The following PCDHGA7 variants were observed in gnomAD, a reference collection of about 807,000 sequenced individuals.
The protein encoded by PCDHGA7 is protocadherin gamma-A7.
PCDHGA7 carries 44 observed loss-of-function variants against 58.3 expected under a neutral mutation model. That is an observed-to-expected ratio of 0.75 (90% CI 0.59 to 0.97). The LOEUF (loss-of-function observed/expected upper bound fraction) is 0.97. Ranked by LOEUF, PCDHGA7 falls within the 50% of genes least tolerant of loss-of-function variation. PCDHGA7 has a pLI of 0.00. For missense variants in PCDHGA7, 1,266 were observed against 1,188.7 expected (o/e 1.06, Z -0.96); for synonymous variants, 516 against 504.2 (o/e 1.02, Z -0.31).
chr5:141,413,850 C>G (rs2095685833), intron 1 of PCDHGA7: 3 of 1,613,244 alleles, frequency 1.9e-6, no homozygotes, highest in East Asian at 2.2e-5. Context: ...GTGACCCTCT[C>G]CGATCTGGCA....
chr5:141,433,642 C>A (rs1457700205), intron 1 of PCDHGA7, among the ~76,000 whole-genome samples: 2 of 152,170 alleles, frequency 1.3e-5, no homozygotes, highest in South Asian at 2.1e-4. Context: ...TTGAGACCAG[C>A]CTGACCAACA....
chr5:141,384,768 G>A lies in PCDHGA7; in HGVS notation c.1869G>A (p.Thr623=), dbSNP rs1046016115. 20 of 1,613,804 alleles carry A rather than the reference G, an allele frequency of 1.2e-5. No homozygotes were observed. The highest frequency in any genetic ancestry group is 1.6e-5 in the Non-Finnish European group (19 of 1,180,024). The change falls in exon 1 of 4, where the codon ACG becomes ACA. Residue 623 remains threonine (T), a synonymous_variant. Coordinates refer to ENST00000518325, the MANE Select transcript of PCDHGA7 (RefSeq NM_018920.4). ...GACTCTTTGCGGTTGGGCTGTACAC[G>A]GGCGAGGTGCGCACGGCTCGGGCCC... is the stretch of plus-strand genomic sequence containing the variant. ...EPGLFAVGLY[T]GEVRTARALL...
chr5:141,431,474 G>T lies in PCDHGA7; in HGVS notation c.2424+46151G>T, dbSNP rs747313827. 3.7e-6 allele frequency: 6 copies of T among 1,613,842 alleles called. No homozygotes were observed. The South Asian group carries it at 6.6e-5, about 18-fold the overall frequency. ...GATGGTTCTGGATGCGAACGACAAC[G>T]CACCAGCGTTTGCTCAGCCCGAGTA... is the stretch of plus-strand genomic sequence containing the variant. On this transcript the variant is annotated intron_variant, in intron 1 of 3. Transcript: ENST00000518325. The surrounding 1 kb of genome is among the most constrained non-coding windows in gnomAD (Gnocchi z 4.8).
At position 141,384,922 on chromosome 5, in the gene PCDHGA7, C is replaced by T; in HGVS notation, c.2023C>T (p.Leu675=). ...ADSIPEVLAD[L]GSLEPSDGPY... ...CAGCATCCCCGAAGTCTTGGCCGACCTGGGCAGCCTTGAGCCCTCCGACGG... is the reference window on the plus strand; with the variant it reads ...CAGCATCCCCGAAGTCTTGGCCGACTTGGGCAGCCTTGAGCCCTCCGACGG... Residue 675 remains leucine (L), a synonymous_variant, in exon 1 of 4, where the codon CTG becomes TTG. Coordinates refer to ENST00000518325, the MANE Select transcript of PCDHGA7 (RefSeq NM_018920.4). The T allele has an allele frequency of 6.2e-7, 1 of 1,614,018 alleles. No homozygotes were observed. Among genetic ancestry groups the T allele is most frequent in the Non-Finnish European group, 8.5e-7 (1 of 1,180,028 alleles).
chr5:141,425,248 G>T (rs954872490), intron 1 of PCDHGA7, among the ~76,000 whole-genome samples: 2 of 152,178 alleles, frequency 1.3e-5, no homozygotes, highest in Admixed American at 1.3e-4. Context: ...AAAAGGATAT[G>T]AGGTATTTGG....
chr5:141,397,047 G>T (rs180929307), intron 1 of PCDHGA7, among the ~76,000 whole-genome samples: 4 of 152,276 alleles, frequency 2.6e-5, no homozygotes, highest in Admixed American at 2.0e-4. Flanking sequence ...TTATGTAAAT[G>T]AACTTATGAG....
chr5:141,487,670 T>A lies in PCDHGA7; in HGVS notation c.2425-7137T>A. The A allele has an allele frequency of 6.2e-7, 1 of 1,612,302 alleles. No homozygotes were observed. Among genetic ancestry groups the A allele is most frequent in the Non-Finnish European group, 8.5e-7 (1 of 1,179,082 alleles). ...TGAGGGTTATTCTGATCCAGGCATA[T>A]GGCTAGGCCATGTCCTAGAGAGTAC... On this transcript the variant is annotated intron_variant, in intron 1 of 3. Transcript: ENST00000518325. This position sits in a 1 kb window ranked among gnomAD's most constrained non-coding sequence, Gnocchi z 5.0.
At chr5:141,406,312 C>G (rs2094792276) in intron 1 of PCDHGA7, among the ~76,000 whole-genome samples, 1 of 152,028 alleles carries the variant, frequency 6.6e-6, no homozygotes, top group African/African-American at 2.4e-5. Context: ...CCACCTCACC[C>G]AGCAAATTCT....
At chr5:141,469,126 A>T (rs2099191838) in intron 1 of PCDHGA7, among the ~76,000 whole-genome samples, 1 of 151,470 alleles carries the variant, frequency 6.6e-6, no homozygotes, top group African/African-American at 2.4e-5. Context: ...AAATTTAAAA[A>T]TTAGCCAGAA....
chr5:141,491,795 C>G lies in PCDHGA7; in HGVS notation c.2425-3012C>G. The G allele has an allele frequency of 6.6e-7, 1 of 1,511,694 alleles. No individual in the cohort carries two copies. The highest frequency in any genetic ancestry group is 8.8e-7 in the Non-Finnish European group (1 of 1,130,430). The allele number at this position is 1,511,694 out of a possible 1,614,324, so 93.6% of individuals were successfully genotyped here. On this transcript the variant is annotated intron_variant, in intron 1 of 3. Transcript: ENST00000518325. The surrounding 1 kb of genome is among the most constrained non-coding windows in gnomAD (Gnocchi z 6.9). ...GGATTGAACTTGCATCCACTCCTCT[C>G]CGGCCGGCTTGGTCGCTGGCTGCGC...
chr5:141,409,872 A>G (rs1283725014), intron 1 of PCDHGA7: 1 of 1,612,710 alleles, frequency 6.2e-7, no homozygotes, highest in Non-Finnish European at 8.5e-7. Flanking sequence ...GACCGCAATG[A>G]CAACGCACCG....
At chr5:141,450,995 T>G (rs983544118) in intron 1 of PCDHGA7, among the ~76,000 whole-genome samples, 3 of 151,510 alleles carry the variant, frequency 2.0e-5, no homozygotes, top group Non-Finnish European at 4.4e-5. Context: ...CGGCTAATTT[T>G]TTTGTATTTT....
intron 3 of PCDHGA7, 86 bp downstream of exon 3, chr5:141,505,567 T>C: frequency 6.3e-7 from 1 of 1,599,440 alleles, no homozygotes; most frequent in South Asian, 1.1e-5. Flanking sequence ...ACGGACTGGA[T>C]GTCAAACCTG....
intron 1 of PCDHGA7, among the ~76,000 whole-genome samples, chr5:141,456,101 G>A (rs1231843666): frequency 6.6e-6 from 1 of 151,970 alleles, no homozygotes; most frequent in African/African-American, 2.4e-5. Context: ...ATTTCACCGT[G>A]TTAGCCAGGA....
intron 1 of PCDHGA7, chr5:141,479,521 T>C (rs4912607): frequency 0.2 from 30,680 of 152,154 alleles, 3,215 homozygotes; most frequent in Admixed American, 0.29. Flanking sequence ...CTGGCCCAGG[T>C]TGGAAGTGGA....
At chr5:141,453,492 G>A (rs1046043468) in intron 1 of PCDHGA7, among the ~76,000 whole-genome samples, 7 of 152,000 alleles carry the variant, frequency 4.6e-5, no homozygotes, top group African/African-American at 7.3e-5. Context: ...AAAAAAAGGT[G>A]TACTCAGAAA....
In PCDHGA7 at chr5:141,423,113, C is replaced by G. The variant is rs2096710947; in HGVS notation, c.2424+37790C>G. On this transcript the variant is annotated intron_variant, in intron 1 of 3. Coordinates refer to ENST00000518325, the MANE Select transcript of PCDHGA7 (RefSeq NM_018920.4). The stretch of plus-strand genomic sequence containing the variant: ...GGGGAGCACACGGGCGAGGTGCGTA[C>G]AGCGCGGGCACTGCTGGACAGAGAC... The G allele has an allele frequency of 1.9e-6, 3 of 1,613,702 alleles. No homozygotes were observed. The highest frequency in any genetic ancestry group is 2.5e-6 in the Non-Finnish European group (3 of 1,179,992).
intron 1 of PCDHGA7, chr5:141,408,109 C>T (rs1011504923): frequency 3.5e-6 from 5 of 1,445,662 alleles, no homozygotes; most frequent in Non-Finnish European, 4.6e-6. Flanking sequence ...AGACCCGGGA[C>T]TCCTCCTGTC....
Position 141,383,071 on chromosome 5 carries a change from G to A in PCDHGA7, c.172G>A (p.Glu58Lys), listed in dbSNP as rs1778782498. ...CAAGGACCTGGGGCTGGAGCCCCGG[G>A]AGCTGGCGGAGCGCGGAGTCCGCAT... ...IAKDLGLEPR[E>K]LAERGVRIIS... The change falls in exon 1 of 4, where the codon GAG becomes AAG. Residue 58 changes from glutamate (E) to lysine (K), a missense_variant. Coordinates refer to ENST00000518325, the MANE Select transcript of PCDHGA7 (RefSeq NM_018920.4). 1.2e-6 allele frequency: 2 copies of A among 1,613,916 alleles called. No homozygotes were observed. Among genetic ancestry groups the A allele is most frequent in the South Asian group, 1.1e-5 (1 of 91,090 alleles).
Sources: gnomAD v4.1 joint callset for allele counts (sites outside exome capture counted in the v4.1 genomes callset) on GRCh38, gnomAD v4.1.1 for gene constraint, Gnocchi (gnomAD v3.1) non-coding constraint, MANE v1.5 for transcripts, NCBI Gene and HGNC (gene_info 2026-07-23, HGNC 2026-07-21) for gene names.